The following UCHL3 variants were observed in gnomAD, a reference collection of about 807,000 sequenced individuals.
UCHL3 encodes the protein ubiquitin carboxyl-terminal hydrolase isozyme L3.
UCHL3 carries 22 observed loss-of-function variants against 35.8 expected under a neutral mutation model. That is an observed-to-expected ratio of 0.61 (90% CI 0.44 to 0.88). UCHL3 has a LOEUF of 0.88. UCHL3 is among the 40% of genes least tolerant of loss of function. The probability of loss-of-function intolerance (pLI) is 0.00; values close to 1 mark genes in which losing one functional copy is unlikely to be tolerated. For synonymous variants in UCHL3, 90 were observed against 92.8 expected (o/e 0.97, Z 0.17); for missense variants, 229 against 276.9 (o/e 0.83, Z 1.23).
intron 6 of UCHL3, among the ~76,000 whole-genome samples, chr13:75,579,321 T>G (rs1169083719): frequency 6.6e-6 from 1 of 152,126 alleles, no homozygotes; most frequent in Non-Finnish European, 1.5e-5. Context: ...AGTCTGAAAC[T>G]GCAACTTTCT....
At chr13:75,570,191 A>G (rs1262571776) in intron 6 of UCHL3, among the ~76,000 whole-genome samples, 1 of 152,186 alleles carries the variant, frequency 6.6e-6, no homozygotes, top group South Asian at 2.1e-4. Flanking sequence ...ATACCAGAGA[A>G]TTAGAGGTTT....
At chr13:75,579,439 T>G (rs1178670139) in intron 6 of UCHL3, among the ~76,000 whole-genome samples, 1 of 152,018 alleles carries the variant, frequency 6.6e-6, no homozygotes, top group Non-Finnish European at 1.5e-5. Context: ...AAAAATGCTC[T>G]GGGACTCCCT....
intron 8 of UCHL3, 70 bp downstream of exon 8, chr13:75,604,897 T>C: frequency 7.7e-7 from 1 of 1,302,238 alleles, no homozygotes; most frequent in Non-Finnish European, 1.0e-6. Context: ...TAAAGGTCAC[T>C]TGCATAACAT....
In UCHL3 at chr13:75,557,291, C is replaced by T. The variant is rs546287575; in HGVS notation, c.55-3462C>T. ...GTGAAGTGGGTACTGCTCCTAGCTC[C>T]TCACATACAAGGGTCTCAAAACATA... On this transcript the variant is annotated intron_variant, in intron 2 of 8. Transcript: ENST00000377595. 2.1e-3 allele frequency among the ~76,000 whole-genome samples: 315 copies of T among 151,940 alleles called. 3 individuals carry two copies. Among genetic ancestry groups the T allele is most frequent in the Non-Finnish European group, 3.5e-3 (241 of 67,966 alleles).
chr13:75,560,644 A>G (rs1009392972), intron 2 of UCHL3, 109 bp from the exon 3 acceptor site: 7 of 1,038,884 alleles, frequency 6.7e-6, no homozygotes, highest in African/African-American at 1.7e-5. Flanking sequence ...TATTAGATAC[A>G]GAGTACATAT....
At chr13:75,589,640 A>G (rs2032422084) in intron 6 of UCHL3, among the ~76,000 whole-genome samples, 1 of 152,182 alleles carries the variant, frequency 6.6e-6, no homozygotes, top group South Asian at 2.1e-4. Context: ...TTTTGATGTA[A>G]TAATTTTAGT....
At chr13:75,599,065 C>T (rs1034469352) in intron 7 of UCHL3, among the ~76,000 whole-genome samples, 1 of 151,996 alleles carries the variant, frequency 6.6e-6, no homozygotes, top group Admixed American at 6.6e-5. Flanking sequence ...ATGTCCTGGG[C>T]TCCAGCAATC....
intron 6 of UCHL3, among the ~76,000 whole-genome samples, chr13:75,576,358 T>C (rs532136283): frequency 2.0e-5 from 3 of 152,306 alleles, no homozygotes; most frequent in African/African-American, 7.2e-5. Context: ...GCCTCTCAAG[T>C]AGCTGGGACT....
At chr13:75,551,106 AG>A (rs1304574264) in intron 2 of UCHL3, among the ~76,000 whole-genome samples, 1 of 152,180 alleles carries the variant, frequency 6.6e-6, no homozygotes, top group African/African-American at 2.4e-5. Context: ...CATTTAAGGA[AG>A]AAATAATACC....
rs139288508 is a variant in UCHL3, at chr13:75,584,689, A to T, written c.475-10226A>T. On this transcript the variant is annotated intron_variant, in intron 6 of 8. Transcript: ENST00000377595. ...ATCAGACAGGGAATTTAAAATAATT[A>T]AATGCTCAAGTGGAAAAGATGGAAA... Among the ~76,000 whole-genome samples, 509 of 152,322 alleles carry T rather than the reference A, an allele frequency of 3.3e-3. 7 individuals are homozygous for T. The highest frequency in any genetic ancestry group is 0.012 in the African/African-American group (481 of 41,584).
intron 6 of UCHL3, among the ~76,000 whole-genome samples, chr13:75,593,803 A>G (rs2032573817): frequency 6.6e-6 from 1 of 152,192 alleles, no homozygotes. Context: ...TATATCCAAG[A>G]TAGTAATGTT....
At chr13:75,586,172 G>A (rs1453269416) in intron 6 of UCHL3, among the ~76,000 whole-genome samples, 2 of 152,006 alleles carry the variant, frequency 1.3e-5, no homozygotes, top group Non-Finnish European at 2.9e-5. Flanking sequence ...GATGGGAAAA[G>A]ATGAACTATA....
At chr13:75,576,329 A>G (rs1245901127) in intron 6 of UCHL3, among the ~76,000 whole-genome samples, 1 of 152,114 alleles carries the variant, frequency 6.6e-6, no homozygotes, top group Non-Finnish European at 1.5e-5. Flanking sequence ...TCCCAGGTTC[A>G]AGCAATTCTC....
intron 3 of UCHL3, among the ~76,000 whole-genome samples, chr13:75,562,006 G>C (rs1416426283): frequency 6.6e-6 from 1 of 151,946 alleles, no homozygotes; most frequent in African/African-American, 2.4e-5. Context: ...GAAACAGTAG[G>C]ATGATTGCAG....
At chr13:75,549,734 G>A, upstream of UCHL3, 1 of 1,417,534 alleles carries the variant, frequency 7.1e-7, no homozygotes, top group Non-Finnish European at 9.2e-7. Context: ...TGTGTTGGGA[G>A]GGCCCAGGTC....
chr13:75,552,492 C>A (rs1027637342), intron 2 of UCHL3, among the ~76,000 whole-genome samples: 2 of 152,190 alleles, frequency 1.3e-5, no homozygotes, highest in African/African-American at 2.4e-5. Context: ...GAATGGCCAT[C>A]ACATGTCTAC....
intron 6 of UCHL3, among the ~76,000 whole-genome samples, chr13:75,573,321 T>C (rs1199428772): frequency 6.6e-6 from 1 of 150,644 alleles, no homozygotes; most frequent in Non-Finnish European, 1.5e-5. Flanking sequence ...GAGTGTTCGG[T>C]GTATTATTAT....
At chr13:75,551,367 G>T (rs1052036985) in intron 2 of UCHL3, among the ~76,000 whole-genome samples, 15 of 150,460 alleles carry the variant, frequency 1.0e-4, no homozygotes, top group Non-Finnish European at 1.2e-4. Flanking sequence ...GGAGGCGGAG[G>T]TTGCATTGAG....
intron 2 of UCHL3, among the ~76,000 whole-genome samples, chr13:75,550,621 G>A (rs1454913883): frequency 6.6e-6 from 1 of 152,078 alleles, no homozygotes; most frequent in East Asian, 1.9e-4. Flanking sequence ...GGAGGTTGGG[G>A]GTTGGGGAGG....
Sources: gnomAD v4.1 joint callset for allele counts (sites outside exome capture counted in the v4.1 genomes callset) on GRCh38, gnomAD v4.1.1 for gene constraint, MANE v1.5 for transcripts, NCBI Gene and HGNC (gene_info 2026-07-23, HGNC 2026-07-21) for gene names.